PCDH10: variants seen among roughly 807,000 people sequenced by gnomAD.
The protein encoded by PCDH10 is protocadherin-10.
Under a neutral mutation model 74.4 loss-of-function variants are expected in PCDH10, and 15 were observed. The observed-to-expected ratio is 0.20, with a 90% confidence interval of 0.13 to 0.31. PCDH10 has a LOEUF of 0.31. PCDH10 is among the 10% of genes least tolerant of loss of function. The pLI, the probability that PCDH10 is intolerant of heterozygous loss-of-function variation, is 1.00. For synonymous variants in PCDH10, 619 were observed against 589.8 expected (o/e 1.05, Z -0.72); for missense variants, 1,260 against 1,390.2 (o/e 0.91, Z 1.49).
chr4:133,161,357 T>TAGAGTTA (rs1325387855), intron 3 of PCDH10, among the ~76,000 whole-genome samples: 2 of 152,166 alleles, frequency 1.3e-5, no homozygotes, highest in Non-Finnish European at 2.9e-5. Context: ...TGTAATTTGC[T>TAGAGTTA]ATTCTTAACT....
intron 4 of PCDH10, among the ~76,000 whole-genome samples, chr4:133,164,976 A>G (rs1251906804): frequency 6.8e-6 from 1 of 147,882 alleles, no homozygotes; most frequent in Non-Finnish European, 1.5e-5. Flanking sequence ...TATTCATTAT[A>G]TACATATATT....
At chr4:133,158,403 T>C (rs1424665550) in intron 3 of PCDH10, among the ~76,000 whole-genome samples, 4 of 152,106 alleles carry the variant, frequency 2.6e-5, no homozygotes, top group Admixed American at 6.6e-5. Flanking sequence ...TAAAAAAATA[T>C]GTTGAAGAGA....
At chr4:133,171,143 C>T (rs1017743703) in intron 4 of PCDH10, among the ~76,000 whole-genome samples, 2 of 151,944 alleles carry the variant, frequency 1.3e-5, no homozygotes, top group African/African-American at 2.4e-5. Flanking sequence ...GTCAGTAGGA[C>T]GTTTTCCCCA....
In PCDH10 at chr4:133,154,983, A is replaced by G. The variant is rs748538429; in HGVS notation, c.2757A>G (p.Gly919=). ...GTGGTCATGGAGACAGTGAACAGGG[A>G]GATAGTGATCATGATGCCACCAACC... is the stretch of plus-strand genomic sequence containing the variant. ...KDSGHGDSEQ[G]DSDHDATNRA... The change falls in exon 3 of 5, where the codon GGA becomes GGG. Residue 919 remains glycine, a synonymous_variant. Transcript: ENST00000264360. 1.9e-6 allele frequency: 3 copies of G among 1,613,748 alleles called. No homozygotes were observed. In the East Asian group the frequency reaches 6.7e-5, roughly 36 times the overall value.
intron 1 of PCDH10, chr4:133,153,114 G>C (rs1200133617): frequency 3.1e-6 from 4 of 1,297,336 alleles, no homozygotes; most frequent in Non-Finnish European, 3.9e-6. Context: ...GTGGAGGAGG[G>C]ACTTACTTTC....
Position 133,151,498 on chromosome 4 carries a change from T to C in PCDH10, c.1358T>C (p.Val453Ala). Residue 453 changes from valine to alanine, a missense_variant, in exon 1 of 5, where the codon GTG (valine) becomes GCG (alanine). Transcript: ENST00000264360. ...ACCAGTAAGTCGATCCAGGTACAAG[T>C]GTCGGATGTGAACGACAACGCGCCG... The part of the protein sequence containing the change: ...LSTSKSIQVQ[V>A]SDVNDNAPRF... 2 of 1,614,064 alleles carry C rather than the reference T, an allele frequency of 1.2e-6. No individual in the cohort carries two copies. Among genetic ancestry groups the C allele is most frequent in the Non-Finnish European group, 1.7e-6 (2 of 1,180,028 alleles).
At chr4:133,201,300 C>T (rs1727905205) in intron 2 of PCDH10, among the ~76,000 whole-genome samples, 1 of 152,180 alleles carries the variant, frequency 6.6e-6, no homozygotes, top group East Asian at 1.9e-4. Context: ...TACTATTCAC[C>T]CCATCGAAGG....
At chr4:133,158,525 T>G (rs2125861512) in intron 3 of PCDH10, among the ~76,000 whole-genome samples, 1 of 152,280 alleles carries the variant, frequency 6.6e-6, no homozygotes, top group Middle Eastern at 3.4e-3. Context: ...CAAATATGTT[T>G]AGTTTCTAAC....
At chr4:133,168,140 A>T (rs1194790071) in intron 4 of PCDH10, among the ~76,000 whole-genome samples, 1 of 151,474 alleles carries the variant, frequency 6.6e-6, no homozygotes, top group Non-Finnish European at 1.5e-5. Context: ...CACTAGATAC[A>T]TGAGATATTA....
At chr4:133,171,229 A>C (rs1727198528) in intron 4 of PCDH10, among the ~76,000 whole-genome samples, 1 of 152,148 alleles carries the variant, frequency 6.6e-6, no homozygotes, top group Non-Finnish European at 1.5e-5. Context: ...TTTTACACAA[A>C]CTAGAAAATT....
chr4:133,201,538 A>T (rs1727909645), intron 2 of PCDH10, among the ~76,000 whole-genome samples: 1 of 152,082 alleles, frequency 6.6e-6, no homozygotes, highest in Non-Finnish European at 1.5e-5. Context: ...CTGGGACTGG[A>T]ATTGAAACCT....
intron 2 of PCDH10, among the ~76,000 whole-genome samples, chr4:133,206,091 T>C (rs899149822): frequency 1.3e-5 from 2 of 152,282 alleles, no homozygotes; most frequent in South Asian, 2.1e-4. Context: ...TAACATTTAA[T>C]TGGGGAACTC....
intron 4 of PCDH10, among the ~76,000 whole-genome samples, chr4:133,166,421 A>G (rs954471868): frequency 6.6e-6 from 1 of 151,586 alleles, no homozygotes; most frequent in Non-Finnish European, 1.5e-5. Flanking sequence ...CATTTTTATC[A>G]TGAACATTTT....
intron 3 of PCDH10, among the ~76,000 whole-genome samples, chr4:133,156,713 C>G (rs1448386265): frequency 6.6e-6 from 1 of 152,188 alleles, no homozygotes; most frequent in Non-Finnish European, 1.5e-5. Flanking sequence ...ACCCCACACG[C>G]CCCGCTTTGT....
At chr4:133,189,115 A>G (rs1329198082) in intron 4 of PCDH10, among the ~76,000 whole-genome samples, 1 of 152,176 alleles carries the variant, frequency 6.6e-6, no homozygotes, top group Admixed American at 6.6e-5. Context: ...TTGAAATACC[A>G]GAGAATAAGG....
In PCDH10 at chr4:133,163,077, T is replaced by A. The variant is rs1727002587; in HGVS notation, c.2898T>A (p.Ala966=). 6.2e-7 allele frequency: 1 copy of A among 1,614,070 alleles called. No homozygotes were observed. Among genetic ancestry groups the A allele is most frequent in the Admixed American group, 1.7e-5 (1 of 60,010 alleles). The part of the protein sequence containing the change: ...PSFVPSDGRQ[A]ADYRSNLHVP... Reference sequence around the variant, plus strand: ...TTGTCCCTTCTGATGGACGCCAGGCTGCTGATTATCGCAGCAATCTGCATG... The same window carrying A: ...TTGTCCCTTCTGATGGACGCCAGGCAGCTGATTATCGCAGCAATCTGCATG... The change falls in exon 4 of 5, where the codon GCT becomes GCA. Residue 966 remains alanine (A), a synonymous_variant. Coordinates refer to ENST00000264360, the MANE Select transcript of PCDH10 (RefSeq NM_032961.3).
In PCDH10 at chr4:133,190,190, A is replaced by G; in HGVS notation, c.*30A>G. On this transcript the variant is annotated 3_prime_UTR_variant, in exon 5 of 5. Transcript: ENST00000264360. ...TTCTACAGGACTTACCTGAAGCAGC[A>G]TGATTTGCACAAAGTCGACCAACAA... 1 of 1,603,816 alleles carries G rather than the reference A, an allele frequency of 6.2e-7. No individual in the cohort carries two copies. Among genetic ancestry groups the G allele is most frequent in the Non-Finnish European group, 8.5e-7 (1 of 1,170,860 alleles).
Position 133,172,508 on chromosome 4 carries a change from T to G in PCDH10, c.3103+9226T>G, listed in dbSNP as rs78029286. ...ACTCAAGAAATGTTTACAAAATGAG[T>G]ACACCTGTATAGTTACAAAAACATT... On this transcript the variant is annotated intron_variant, in intron 4 of 4. Transcript: ENST00000264360. 5.7e-3 allele frequency among the ~76,000 whole-genome samples: 873 copies of G among 151,964 alleles called. 8 individuals carry two copies. Among genetic ancestry groups the G allele is most frequent in the African/African-American group, 0.021 (852 of 41,508 alleles).
Position 133,154,374 on chromosome 4 carries a change from T to A in PCDH10, c.2690+9T>A. The A allele has an allele frequency of 6.4e-7, 1 of 1,570,186 alleles. No individual in the cohort carries two copies. The highest frequency in any genetic ancestry group is 8.7e-7 in the Non-Finnish European group (1 of 1,151,316). ...CCTCGCCGAGTTAACAGGTATGGAC[T>A]CTTTTTTTCCCTAGCAGTAATGGAC... On this transcript the variant is annotated intron_variant, in intron 2 of 4. Coordinates refer to ENST00000264360, the MANE Select transcript of PCDH10 (RefSeq NM_032961.3).
Sources: gnomAD v4.1 joint callset for allele counts (sites outside exome capture counted in the v4.1 genomes callset) on GRCh38, gnomAD v4.1.1 for gene constraint, MANE v1.5 for transcripts, NCBI Gene and HGNC (gene_info 2026-07-23, HGNC 2026-07-21) for gene names.